The following TIPARP variants were observed in gnomAD, a reference collection of about 807,000 sequenced individuals.
The protein encoded by TIPARP is protein mono-ADP-ribosyltransferase TIPARP.
TIPARP carries 12 observed loss-of-function variants against 56.5 expected under a neutral mutation model. The observed-to-expected ratio is 0.21, with a 90% CI of 0.14 to 0.34. The LOEUF (loss-of-function observed/expected upper bound fraction) is 0.34, where lower values mean the gene tolerates loss of function less well. Among genes scored for constraint, TIPARP ranks in the 10% least tolerant of loss-of-function variants. The probability of loss-of-function intolerance (pLI) is 1.00; values close to 1 mark genes in which losing one functional copy is unlikely to be tolerated. For missense variants in TIPARP, 604 were observed against 781.6 expected (o/e 0.77, Z 2.71); for synonymous variants, 296 against 265.7 (o/e 1.11, Z -1.11).
rs1308823808 is a variant in TIPARP at position 156,678,293 on chromosome 3, T to C, written c.596T>C (p.Ile199Thr). 34 of 1,614,190 alleles carry C rather than the reference T, an allele frequency of 2.1e-5. No homozygotes were observed. The highest frequency in any genetic ancestry group is 2.8e-5 in the Non-Finnish European group (33 of 1,180,028). Residue 199 changes from isoleucine (I) to threonine (T), a missense_variant, in exon 2 of 6, where the codon ATT (isoleucine) becomes ACT (threonine). Transcript: ENST00000295924. ...FQENSFTIQY[I>T]LDTSDKLSTE... ...GAAAACAGTTTTACAATCCAATACA[T>C]TCTGGACACCAGTGATAAGCTGAGT... is the stretch of plus-strand genomic sequence containing the variant.
At chr3:156,682,906 G>A (rs545360307) in intron 2 of TIPARP, among the ~76,000 whole-genome samples, 69 of 152,270 alleles carry the variant, frequency 4.5e-4, no homozygotes, top group African/African-American at 1.7e-3. Flanking sequence ...GCAATCCAAT[G>A]AATTATTTTT....
At chr3:156,678,665 G>A in intron 2 of TIPARP, 51 bp downstream of exon 2, 3 of 1,508,482 alleles carry the variant, frequency 2.0e-6, no homozygotes, top group Non-Finnish European at 8.9e-7. Context: ...TATAGAGAAG[G>A]TAAAGAAGCT....
intron 1 of TIPARP, among the ~76,000 whole-genome samples, chr3:156,676,064 A>G (rs1030874149): frequency 6.6e-6 from 1 of 152,040 alleles, no homozygotes; most frequent in Non-Finnish European, 1.5e-5. Flanking sequence ...GTTTGATAGG[A>G]GTGGTTAGAG....
rs1722993240 is a variant in TIPARP at position 156,706,755 on chromosome 3, T to C, written c.*1624T>C. 1.3e-5 allele frequency: 2 copies of C among 152,714 alleles called. No individual in the cohort carries two copies. Among genetic ancestry groups the C allele is most frequent in the Admixed American group, 6.5e-5 (1 of 15,302 alleles). The allele number at this position is 152,714 out of a possible 1,614,324, so 9.5% of individuals were successfully genotyped here. A position where few individuals can be genotyped will look rare whatever the true frequency, so the allele number is the denominator to read the frequency against. ...TAAAACTAAGCAAAAATAAAACTTA[T>C]GGTAATTCTTTAAAATTTGTTGTTG... On this transcript the variant is annotated 3_prime_UTR_variant, in exon 6 of 6. Transcript: ENST00000295924.
At chr3:156,690,193 AG>A (rs1309323047) in intron 2 of TIPARP, among the ~76,000 whole-genome samples, 1 of 152,138 alleles carries the variant, frequency 6.6e-6, no homozygotes, top group Non-Finnish European at 1.5e-5. Flanking sequence ...TATTTATCTG[AG>A]AAAGAAGTCG....
intron 2 of TIPARP, among the ~76,000 whole-genome samples, chr3:156,690,029 C>G (rs1722525665): frequency 6.6e-6 from 1 of 152,118 alleles, no homozygotes; most frequent in Non-Finnish European, 1.5e-5. Flanking sequence ...ATGGCCAAAG[C>G]AGAGCCCAGT....
rs770403066 is a variant in TIPARP, at chr3:156,694,083, A to G, written c.981A>G (p.Gln327=). 1.1e-5 allele frequency: 18 copies of G among 1,613,394 alleles called. No individual in the cohort carries two copies. The Admixed American group carries it at 1.5e-4, about 13-fold the overall frequency. The change falls in exon 3 of 6, where the codon CAA becomes CAG. Residue 327 remains glutamine, a synonymous_variant. Transcript: ENST00000295924. ...TGTATGAAACAACTGAATTTGACCA[A>G]CTACGAAGGCTGTCCACACCACCCT... is the stretch of plus-strand genomic sequence containing the variant. ...MNVYETTEFD[Q]LRRLSTPPSS...
intron 2 of TIPARP, among the ~76,000 whole-genome samples, chr3:156,691,252 G>A (rs1195848887): frequency 6.6e-6 from 1 of 152,158 alleles, no homozygotes; most frequent in Non-Finnish European, 1.5e-5. Context: ...TCTTCTTCTT[G>A]CAGAAAGCTA....
At chr3:156,692,134 G>A (rs1241546467) in intron 2 of TIPARP, among the ~76,000 whole-genome samples, 3 of 152,146 alleles carry the variant, frequency 2.0e-5, no homozygotes, top group African/African-American at 7.2e-5. Context: ...CTGAGGATTT[G>A]TGACTCATAA....
intron 2 of TIPARP, among the ~76,000 whole-genome samples, chr3:156,688,010 C>A (rs1282207547): frequency 1.3e-5 from 2 of 152,176 alleles, no homozygotes; most frequent in Non-Finnish European, 2.9e-5. Flanking sequence ...ACTCAAAAAT[C>A]TTTTGAGGTA....
intron 2 of TIPARP, 43 bp downstream of exon 2, chr3:156,678,657 T>C: frequency 6.5e-7 from 1 of 1,534,732 alleles, no homozygotes; most frequent in Non-Finnish European, 8.8e-7. Context: ...TTAAATGCTA[T>C]AGAGAAGGTA....
intron 4 of TIPARP, among the ~76,000 whole-genome samples, chr3:156,700,177 A>T (rs1324791828): frequency 6.6e-6 from 1 of 151,978 alleles, no homozygotes; most frequent in African/African-American, 2.4e-5. Flanking sequence ...TGATCATCAT[A>T]GCTCACTGTA....
chr3:156,683,802 T>C (rs1445075673), intron 2 of TIPARP, among the ~76,000 whole-genome samples: 1 of 152,214 alleles, frequency 6.6e-6, no homozygotes, highest in Admixed American at 6.5e-5. Context: ...CAGTATGTAG[T>C]CTATGCAAAC....
At chr3:156,680,424 G>T (rs1298221497) in intron 2 of TIPARP, among the ~76,000 whole-genome samples, 2 of 152,036 alleles carry the variant, frequency 1.3e-5, no homozygotes, top group Non-Finnish European at 2.9e-5. Flanking sequence ...TATGTCAAGG[G>T]TAATTAATTT....
intron 2 of TIPARP, among the ~76,000 whole-genome samples, chr3:156,684,700 A>G (rs201069994): frequency 1.3e-5 from 2 of 152,160 alleles, no homozygotes; most frequent in African/African-American, 2.4e-5. Context: ...ACAAAGTGCT[A>G]GGATTACAGG....
intron 4 of TIPARP, among the ~76,000 whole-genome samples, chr3:156,697,827 G>A (rs1463518168): frequency 1.3e-5 from 2 of 152,168 alleles, no homozygotes; most frequent in Non-Finnish European, 1.5e-5. Context: ...GTGAAAGGAA[G>A]AGTTACACAT....
At chr3:156,702,019 CGGTGGT>C (rs67188281) in intron 4 of TIPARP, among the ~76,000 whole-genome samples, 34,513 of 98,266 alleles carry the variant, frequency 0.35, 6,082 homozygotes, top group East Asian at 0.53. Context: ...GATGATAATG[CGGTGGT>C]GGTGGTGGTG....
chr3:156,692,576 G>A (rs1285438213), intron 2 of TIPARP, among the ~76,000 whole-genome samples: 3 of 151,996 alleles, frequency 2.0e-5, no homozygotes, highest in Non-Finnish European at 4.4e-5. Flanking sequence ...GGGTTTATTG[G>A]CAAGATCTTT....
intron 2 of TIPARP, among the ~76,000 whole-genome samples, chr3:156,680,278 A>G (rs1057069644): frequency 1.3e-5 from 2 of 152,218 alleles, no homozygotes; most frequent in African/African-American, 4.8e-5. Context: ...ATCTTATAAT[A>G]CAGCTAAGTA....
Sources: gnomAD v4.1 joint callset for allele counts (sites outside exome capture counted in the v4.1 genomes callset) on GRCh38, gnomAD v4.1.1 for gene constraint, MANE v1.5 for transcripts, NCBI Gene and HGNC (gene_info 2026-07-23, HGNC 2026-07-21) for gene names.